Variants in PCDHGA1 observed in about 807,000 individuals in gnomAD.
PCDHGA1 encodes protocadherin gamma-A1.
A neutral mutation model predicts 58.0 loss-of-function variants in PCDHGA1; 32 were observed. That is an observed-to-expected ratio of 0.55 (90% CI 0.42 to 0.74). The LOEUF is 0.74. Ranked by LOEUF, PCDHGA1 falls within the 30% of genes least tolerant of loss-of-function variation. The pLI, the probability that PCDHGA1 is intolerant of heterozygous loss-of-function variation, is 0.00. For synonymous variants in PCDHGA1, 498 were observed against 501.1 expected (o/e 0.99, Z 0.08); for missense variants, 1,205 against 1,182.3 (o/e 1.02, Z -0.28).
rs781580216 is a variant in PCDHGA1 at position 141,430,931 on chromosome 5, G to A, written c.2422-63876G>A. The stretch of plus-strand genomic sequence containing the variant: ...CAGGGACCTGGGGCTGGAGCCCCGG[G>A]AGCTCGCGGAGCGCGGAGTCCGCAT... On this transcript the variant is annotated intron_variant, in intron 1 of 3. Coordinates refer to ENST00000517417, the MANE Select transcript of PCDHGA1 (RefSeq NM_018912.3). The A allele has an allele frequency of 1.5e-5, 24 of 1,607,530 alleles. No individual in the cohort carries two copies. In the East Asian group the frequency reaches 4.9e-4, roughly 33 times the overall value.
chr5:141,350,158 C>T (rs1758419902), intron 1 of PCDHGA1: 2 of 1,055,330 alleles, frequency 1.9e-6, no homozygotes. Context: ...CCCTCGAGCG[C>T]CTAACTAATA....
At position 141,431,808 on chromosome 5, in the gene PCDHGA1, C is replaced by A. The variant is rs2097419249; in HGVS notation, c.2422-62999C>A. Reference sequence around the variant, plus strand: ...GACAATGCCCCAGAAGTGGTCCTCACCTCTCTCGCCAGCTCGGTTCCCGAA... The same window carrying A: ...GACAATGCCCCAGAAGTGGTCCTCAACTCTCTCGCCAGCTCGGTTCCCGAA... On this transcript the variant is annotated intron_variant, in intron 1 of 3. Transcript: ENST00000517417. The surrounding 1 kb of genome is among the most constrained non-coding windows in gnomAD (Gnocchi z 4.8). The A allele has an allele frequency of 6.2e-7, 1 of 1,614,236 alleles. No individual in the cohort carries two copies. Among genetic ancestry groups the A allele is most frequent in the Non-Finnish European group, 8.5e-7 (1 of 1,180,040 alleles).
At chr5:141,414,151 G>T in intron 1 of PCDHGA1, 2 of 1,600,336 alleles carry the variant, frequency 1.2e-6, no homozygotes, top group East Asian at 2.3e-5. Flanking sequence ...AATACAAGCA[G>T]AAGATGGAGG....
chr5:141,372,387 G>A (rs771030632), intron 1 of PCDHGA1: 1 of 1,614,016 alleles, frequency 6.2e-7, no homozygotes, highest in East Asian at 2.2e-5. Flanking sequence ...CCTAATCTTC[G>A]CAGATAGCTT....
rs1439795137 is a variant in PCDHGA1 at position 141,375,822 on chromosome 5, G to A, written c.2421+42717G>A. On this transcript the variant is annotated intron_variant, in intron 1 of 3. Coordinates refer to ENST00000517417, the MANE Select transcript of PCDHGA1 (RefSeq NM_018912.3). ...TCCACTGGCGTGGAGCTGGCGCCCC[G>A]CTCCGCAGAGCCCGGCTACCTGGTG... The A allele has an allele frequency of 3.1e-6, 5 of 1,614,024 alleles. No homozygotes were observed. The Admixed American group carries it at 6.7e-5, about 22-fold the overall frequency.
At position 141,420,872 on chromosome 5, in the gene PCDHGA1, G is replaced by A. The variant is rs575322685; in HGVS notation, c.2422-73935G>A. 3.3e-5 allele frequency among the ~76,000 whole-genome samples: 5 copies of A among 152,328 alleles called. No homozygotes were observed. The East Asian group carries it at 7.7e-4, about 24-fold the overall frequency. On this transcript the variant is annotated intron_variant, in intron 1 of 3. Coordinates refer to ENST00000517417, the MANE Select transcript of PCDHGA1 (RefSeq NM_018912.3). ...AAAGTTTTAACGTCACATAATGTAA[G>A]TATTGTGTATCATCGTTTTTAAGCT...
chr5:141,390,099 C>T (rs1252752587), intron 1 of PCDHGA1: 2 of 1,614,052 alleles, frequency 1.2e-6, no homozygotes, highest in Admixed American at 3.3e-5. Context: ...CGTGGTTCCC[C>T]CCAACTACAG....
chr5:141,433,047 C>T (rs1561867159), intron 1 of PCDHGA1: 1 of 1,614,046 alleles, frequency 6.2e-7, no homozygotes, highest in African/African-American at 1.3e-5. Flanking sequence ...ACCACGGACT[C>T]GCGGAAGAGT....
chr5:141,364,528 C>G (rs1445482375), intron 1 of PCDHGA1: 43 of 1,614,048 alleles, frequency 2.7e-5, no homozygotes, highest in Non-Finnish European at 3.6e-5. Flanking sequence ...GAGTCCGCAT[C>G]GTCTCCAGAG....
At chr5:141,355,206 G>A in intron 1 of PCDHGA1, 1 of 1,598,470 alleles carries the variant, frequency 6.3e-7, no homozygotes, top group Non-Finnish European at 8.5e-7. Context: ...TTGTAATGGC[G>A]GCGCCTCCTG....
At chr5:141,342,001 T>C (rs1757105972) in intron 1 of PCDHGA1, 1 of 154,264 alleles carries the variant, frequency 6.5e-6, no homozygotes, top group Non-Finnish European at 1.4e-5. Context: ...TTATTTTGGC[T>C]TAGTTTTAAA....
rs1244735881 is a variant in PCDHGA1 at position 141,332,756 on chromosome 5, T to C, written c.2072T>C (p.Leu691Pro). Residue 691 changes from leucine (L) to proline (P), a missense_variant, in exon 1 of 4, where the codon CTG (leucine) becomes CCG (proline). Physicochemically the swap from Leu to Pro is moderately conservative, Grantham distance 98. Transcript: ENST00000517417. This position sits in a 1 kb window ranked among gnomAD's most constrained non-coding sequence, Gnocchi z 4.6. Reference protein sequence around the residue: ...SAKPNDSDLTLYLVVAAAAVS... With the variant: ...SAKPNDSDLTPYLVVAAAAVS... ...AAACCCAACGATTCGGACCTCACTC[T>C]GTACCTGGTGGTGGCGGCGGCCGCG... 6.2e-7 allele frequency: 1 copy of C among 1,614,086 alleles called. No homozygotes were observed. The highest frequency in any genetic ancestry group is 2.2e-5 in the East Asian group (1 of 44,880).
At chr5:141,342,745 G>A (rs1353343466) in intron 1 of PCDHGA1, 2 of 152,174 alleles carry the variant, frequency 1.3e-5, no homozygotes, top group African/African-American at 4.8e-5. Context: ...GCATAGATAT[G>A]TAATGCATCA....
intron 1 of PCDHGA1, chr5:141,421,546 A>C: frequency 6.2e-7 from 1 of 1,614,014 alleles, no homozygotes; most frequent in Non-Finnish European, 8.5e-7. Context: ...TTTTTTAAAT[A>C]TGGAACTTCT....
intron 2 of PCDHGA1, among the ~76,000 whole-genome samples, chr5:141,495,250 A>G (rs557893500): frequency 6.6e-6 from 1 of 152,188 alleles, no homozygotes; most frequent in Non-Finnish European, 1.5e-5. Context: ...CCTGGGGCTC[A>G]GGCAGAAAAG....
chr5:141,344,397 G>A, intron 1 of PCDHGA1: 1 of 1,611,536 alleles, frequency 6.2e-7, no homozygotes, highest in Non-Finnish European at 8.5e-7. Context: ...AGTAGAAATA[G>A]AAATTAAAGA....
intron 1 of PCDHGA1, among the ~76,000 whole-genome samples, chr5:141,458,809 T>G (rs2098953834): frequency 6.6e-6 from 1 of 152,190 alleles, no homozygotes; most frequent in Non-Finnish European, 1.5e-5. Flanking sequence ...CTCAGCTCAC[T>G]GCAACCTCTG....
intron 1 of PCDHGA1, chr5:141,385,702 C>A: frequency 3.6e-6 from 1 of 278,020 alleles, no homozygotes; most frequent in Non-Finnish European, 5.7e-6. Context: ...TTCTCTTTAG[C>A]ATTCAAATAT....
At chr5:141,403,551 T>G in intron 1 of PCDHGA1, 1 of 1,613,986 alleles carries the variant, frequency 6.2e-7, no homozygotes, top group Non-Finnish European at 8.5e-7. Context: ...GAGCGCGCCC[T>G]GGACAGGGAG....
Sources: allele counts gnomAD v4.1 joint callset (sites outside exome capture counted in the v4.1 genomes callset), GRCh38; gene constraint gnomAD v4.1.1; non-coding constraint Gnocchi (gnomAD v3.1); transcripts MANE v1.5; gene names NCBI Gene and HGNC (gene_info 2026-07-23, HGNC 2026-07-21).